FANCC: variants seen among roughly 807,000 people sequenced by gnomAD.
FANCC encodes FA complementation group C.
FANCC carries 55 observed loss-of-function variants against 71.3 expected under a neutral mutation model. The ratio of observed to expected loss-of-function variants is 0.77; its 90% CI spans 0.62 to 0.97. The LOEUF (loss-of-function observed/expected upper bound fraction) is 0.97, where lower values mean the gene tolerates loss of function less well. FANCC is among the 50% of genes least tolerant of loss of function. The pLI is 0.00. For synonymous variants in FANCC, 275 were observed against 244.9 expected (o/e 1.12, Z -1.15); for missense variants, 678 against 670.9 (o/e 1.01, Z -0.12).
intron 4 of FANCC, among the ~76,000 whole-genome samples, chr9:95,172,640 A>G (rs1270120368): frequency 6.6e-6 from 1 of 152,230 alleles, no homozygotes; most frequent in Non-Finnish European, 1.5e-5. Context: ...ACACATCACA[A>G]ATCAGTAGGG....
rs993137989 is a variant in FANCC at position 95,099,238 on chromosome 9, T to G, written c.*2469A>C. On this transcript the variant is annotated 3_prime_UTR_variant, in exon 15 of 15. Coordinates refer to ENST00000289081, the MANE Select transcript of FANCC (RefSeq NM_000136.3). Reference sequence around the variant, plus strand: ...GGGTAGTGGTTTTACCAGCATGCTTTATCAAAAACTAAACTATCAGGGAGA... The same window carrying G: ...GGGTAGTGGTTTTACCAGCATGCTTGATCAAAAACTAAACTATCAGGGAGA... 4 of 218,058 alleles carry G rather than the reference T, an allele frequency of 1.8e-5. No individual in the cohort carries two copies. The highest frequency in any genetic ancestry group is 9.0e-5 in the African/African-American group (4 of 44,348). 13.5% of individuals were successfully genotyped at this position (218,058 alleles called of 1,614,324 possible).
intron 11 of FANCC, 91 bp downstream of exon 11, chr9:95,117,224 C>T: frequency 9.1e-7 from 1 of 1,098,028 alleles, no homozygotes; most frequent in South Asian, 1.3e-5. Context: ...CTCCCTCATG[C>T]TGTAGATAAG....
At chr9:95,196,067 C>T (rs1827436911) in intron 4 of FANCC, among the ~76,000 whole-genome samples, 1 of 152,098 alleles carries the variant, frequency 6.6e-6, no homozygotes, top group African/African-American at 2.4e-5. Context: ...TTGCAAATAG[C>T]AATGGTTTTT....
chr9:95,147,624 CA>C lies in FANCC; in HGVS notation c.686+2298del, dbSNP rs1240751479. Reference sequence around the variant, plus strand: ...AAGTGGGCTAAACTGTAAATAAAGACAAAAAATGTGAGGAAAGTTATTTTTC... The same window carrying C: ...AAGTGGGCTAAACTGTAAATAAAGACAAAAATGTGAGGAAAGTTATTTTTC... On this transcript the variant is annotated intron_variant, in intron 7 of 14. Transcript: ENST00000289081. Among the ~76,000 whole-genome samples, 4 of 152,032 alleles carry C rather than the reference CA, an allele frequency of 2.6e-5. 1 individual carries two copies. The highest frequency in any genetic ancestry group is 1.5e-5 in the Non-Finnish European group (1 of 67,984).
intron 4 of FANCC, among the ~76,000 whole-genome samples, chr9:95,191,286 C>A (rs898888006): frequency 2.0e-5 from 3 of 150,266 alleles, no homozygotes; most frequent in African/African-American, 7.5e-5. Context: ...CAAGGCCCAG[C>A]CCAGCCCAGC....
At chr9:95,103,955 G>C (rs993188890) in intron 14 of FANCC, among the ~76,000 whole-genome samples, 1 of 152,234 alleles carries the variant, frequency 6.6e-6, no homozygotes, top group Admixed American at 6.5e-5. Flanking sequence ...TGGATGCCAA[G>C]ATAGAGGGCA....
intron 1 of FANCC, among the ~76,000 whole-genome samples, chr9:95,257,551 T>C (rs1017891567): frequency 1.3e-5 from 2 of 152,234 alleles, no homozygotes; most frequent in African/African-American, 2.4e-5. Flanking sequence ...GGGAAATTTA[T>C]AGCACTAAAT....
intron 8 of FANCC, 95 bp downstream of exon 8, chr9:95,135,251 T>C: frequency 8.0e-7 from 1 of 1,254,224 alleles, no homozygotes; most frequent in Non-Finnish European, 1.2e-6. Context: ...AATTGCTCTT[T>C]TGTTTACATC....
chr9:95,220,123 G>A (rs1352077576), intron 4 of FANCC, among the ~76,000 whole-genome samples: 14 of 152,146 alleles, frequency 9.2e-5, no homozygotes, highest in Non-Finnish European at 1.5e-4. Flanking sequence ...AAAAATGCTC[G>A]TCATCACTGG....
intron 1 of FANCC, among the ~76,000 whole-genome samples, chr9:95,257,653 T>C (rs1398820533): frequency 1.3e-5 from 2 of 152,104 alleles, no homozygotes; most frequent in Admixed American, 6.5e-5. Flanking sequence ...ATTCAAAAGC[T>C]AGCAGAAAAC....
intron 1 of FANCC, among the ~76,000 whole-genome samples, chr9:95,262,372 G>A (rs1286006815): frequency 6.6e-6 from 1 of 152,178 alleles, no homozygotes; most frequent in Non-Finnish European, 1.5e-5. Flanking sequence ...AGAGGGAGGA[G>A]ACGCTGGGTG....
intron 12 of FANCC, 168 bp downstream of exon 12, chr9:95,114,461 C>T (rs942664827): frequency 1.8e-5 from 13 of 721,930 alleles, no homozygotes; most frequent in African/African-American, 1.2e-4. Flanking sequence ...CCAAGCCATC[C>T]GTGCAGCCAT....
chr9:95,309,932 A>G lies in FANCC; in HGVS notation c.-79+7594T>C, dbSNP rs1044441898. On this transcript the variant is annotated intron_variant, in intron 1 of 14. Transcript: ENST00000289081. ...TGCTACTAAATGCTTCTACCTGGAAATAACCTGCTTAAAATCTATTGGCTA... is the reference window on the plus strand; with the variant it reads ...TGCTACTAAATGCTTCTACCTGGAAGTAACCTGCTTAAAATCTATTGGCTA... Among the ~76,000 whole-genome samples, 21 of 152,364 alleles carry G rather than the reference A, an allele frequency of 1.4e-4. No homozygotes were observed. The East Asian group carries it at 4.0e-3, about 29-fold the overall frequency.
At chr9:95,283,889 A>G (rs1203546759) in intron 1 of FANCC, among the ~76,000 whole-genome samples, 2 of 152,226 alleles carry the variant, frequency 1.3e-5, no homozygotes, top group South Asian at 2.1e-4. Flanking sequence ...TCCCTACTCT[A>G]TAACATACTA....
chr9:95,295,366 ACAAAACAAAACAAAG>A (rs915937585), intron 1 of FANCC, among the ~76,000 whole-genome samples: 63 of 152,278 alleles, frequency 4.1e-4, no homozygotes, highest in Admixed American at 2.2e-3. Flanking sequence ...AAAAAACAAA[ACAAAACAAAACAAAG>A]CAAAACAAAA....
chr9:95,226,088 GA>G lies in FANCC; in HGVS notation c.345+14560del, dbSNP rs545278756. On this transcript the variant is annotated intron_variant, in intron 4 of 14. Transcript: ENST00000289081. ...TGCCATATTTACACTGCAAAACTAT[GA>G]AATGCTGAGAAAAAATTTTCAGACT... Among the ~76,000 whole-genome samples the G allele has an allele frequency of 6.6e-5, 10 of 152,276 alleles. No individual in the cohort carries two copies. In the East Asian group the frequency reaches 1.9e-3, roughly 29 times the overall value.
chr9:95,116,185 A>G lies in FANCC; in HGVS notation c.1072+1130T>C, dbSNP rs4647522. On this transcript the variant is annotated intron_variant, in intron 11 of 14. Transcript: ENST00000289081. ...ACTGAGACACTAACAACTCCAGTACATTTTCTGGAGCTCACTCAGCGTCCC... is the reference window on the plus strand; with the variant it reads ...ACTGAGACACTAACAACTCCAGTACGTTTTCTGGAGCTCACTCAGCGTCCC... Among the ~76,000 whole-genome samples, 889 of 152,318 alleles carry G rather than the reference A, an allele frequency of 5.8e-3. 14 individuals are homozygous for G. Among genetic ancestry groups the G allele is most frequent in the South Asian group, 0.036 (173 of 4,824 alleles).
intron 8 of FANCC, among the ~76,000 whole-genome samples, chr9:95,133,166 C>A (rs1827167189): frequency 6.6e-6 from 1 of 152,246 alleles, no homozygotes; most frequent in Non-Finnish European, 1.5e-5. Context: ...GTTACCCCTG[C>A]AATCACTTAG....
chr9:95,266,181 ATTAG>A (rs879376898), intron 1 of FANCC, among the ~76,000 whole-genome samples: 4 of 152,252 alleles, frequency 2.6e-5, no homozygotes, highest in African/African-American at 7.2e-5. Flanking sequence ...CATTCTTCTT[ATTAG>A]TTAAATATTA....
Sources: gnomAD v4.1 joint callset for allele counts (sites outside exome capture counted in the v4.1 genomes callset) on GRCh38, gnomAD v4.1.1 for gene constraint, MANE v1.5 for transcripts, NCBI Gene and HGNC (gene_info 2026-07-23, HGNC 2026-07-21) for gene names.